The following LHX8 variants were observed in gnomAD, a reference collection of about 807,000 sequenced individuals.
The protein encoded by LHX8 is LIM homeobox 8.
Under a neutral mutation model 40.3 loss-of-function variants are expected in LHX8, and 12 were observed. That is an observed-to-expected ratio of 0.30 (90% confidence interval 0.19 to 0.48). LHX8 has a LOEUF of 0.48. Ranked by LOEUF, LHX8 falls within the 20% of genes least tolerant of loss-of-function variation. LHX8 has a pLI of 0.99. For synonymous variants in LHX8, 179 were observed against 162.0 expected, an observed-to-expected ratio of 1.10 and a Z score of -0.80; for missense variants, 344 against 433.7, an observed-to-expected ratio of 0.79 and a Z score of 1.84.
the LHX8 span, among the ~76,000 whole-genome samples, chr1:75,169,958 G>A: frequency 2.1e-4 from 32 of 152,312 alleles, no homozygotes; most frequent in Middle Eastern, 3.4e-3. Context: ...ACTGTTGGAT[G>A]AACACTCTAG....
At chr1:75,131,447 A>G (rs1647956878), upstream of LHX8, 1 of 153,500 alleles carries the variant, frequency 6.5e-6, no homozygotes, top group Non-Finnish European at 1.5e-5. Flanking sequence ...ACCTCTGTCA[A>G]TGCAGGCTTA....
At chr1:75,132,783 A>ACACACACACG (rs1557483585), upstream of LHX8, 1 of 152,396 alleles carries the variant, frequency 6.6e-6, no homozygotes, top group East Asian at 1.9e-4. Context: ...ACACACACAC[A>ACACACACACG]CACACTGTAA....
chr1:75,153,701 G>A (rs560718746), intron 7 of LHX8, among the ~76,000 whole-genome samples: 18 of 152,264 alleles, frequency 1.2e-4, no homozygotes, highest in African/African-American at 4.3e-4. Context: ...GAGCCACCAC[G>A]CCGGGTCTAG....
At chr1:75,129,919 C>G (rs1295845512), upstream of LHX8, 1 of 152,062 alleles carries the variant, frequency 6.6e-6, no homozygotes, top group Non-Finnish European at 1.5e-5. Context: ...CTCTCTCTCT[C>G]TGGCCACCTT....
intron 7 of LHX8, among the ~76,000 whole-genome samples, chr1:75,149,319 C>A (rs935213888): frequency 6.6e-6 from 1 of 152,068 alleles, no homozygotes; most frequent in African/African-American, 2.4e-5. Flanking sequence ...GTTGGAGAGG[C>A]CTGTGAATGC....
At chr1:75,179,511 T>G in the LHX8 span, among the ~76,000 whole-genome samples, 4,199 of 149,898 alleles carry the variant, frequency 0.028, 119 homozygotes, top group South Asian at 0.1. Flanking sequence ...TGTTTTTTTT[T>G]TTTTTTTTTT....
chr1:75,151,729 T>G (rs970929467), intron 7 of LHX8, among the ~76,000 whole-genome samples: 4 of 152,212 alleles, frequency 2.6e-5, no homozygotes, highest in Admixed American at 6.5e-5. Flanking sequence ...CTCTGTATAT[T>G]CATAACAATG....
the LHX8 span, among the ~76,000 whole-genome samples, chr1:75,179,001 C>G: frequency 1.3e-5 from 2 of 152,162 alleles, no homozygotes; most frequent in African/African-American, 4.8e-5. Context: ...GTTCCTTAAT[C>G]CTGAGTTCTA....
chr1:75,178,639 A>AT, the LHX8 span, among the ~76,000 whole-genome samples: 3 of 151,962 alleles, frequency 2.0e-5, no homozygotes, highest in Non-Finnish European at 4.4e-5. Context: ...GGATTCAGTG[A>AT]TTTTTTGAAG....
chr1:75,151,331 T>A (rs1648606087), intron 7 of LHX8, among the ~76,000 whole-genome samples: 2 of 152,334 alleles, frequency 1.3e-5, no homozygotes, highest in South Asian at 2.1e-4. Context: ...ATTATTGTGC[T>A]TATTTCAGAG....
chr1:75,150,538 G>A (rs1407973516), intron 7 of LHX8, among the ~76,000 whole-genome samples: 2 of 152,128 alleles, frequency 1.3e-5, no homozygotes, highest in Non-Finnish European at 2.9e-5. Flanking sequence ...ATTTAAATGG[G>A]ACGTAGTAAC....
At chr1:75,165,941 T>C (rs2100373301), downstream of LHX8, among the ~76,000 whole-genome samples, 1 of 152,332 alleles carries the variant, frequency 6.6e-6, no homozygotes, top group South Asian at 2.1e-4. Flanking sequence ...CCAAGGACAC[T>C]TAAGCCTCCC....
At chr1:75,176,756 G>A in the LHX8 span, among the ~76,000 whole-genome samples, 2 of 152,172 alleles carry the variant, frequency 1.3e-5, no homozygotes, top group Non-Finnish European at 2.9e-5. Flanking sequence ...CCATGCCTAT[G>A]TCCCGAATGG....
chr1:75,170,971 G>A, the LHX8 span, among the ~76,000 whole-genome samples: 4 of 152,114 alleles, frequency 2.6e-5, no homozygotes, highest in Admixed American at 2.0e-4. Flanking sequence ...TGATACAATT[G>A]AGGCTCAGCA....
rs757121845 is a variant in LHX8 at position 75,143,327 on chromosome 1, A to C, written c.569A>C (p.Glu190Ala). 7 of 1,608,636 alleles carry C rather than the reference A, an allele frequency of 4.4e-6. No homozygotes were observed. In the East Asian group the frequency reaches 1.6e-4, roughly 36 times the overall value. ...YDCMLDNLKREVENGNGISVE... is the reference protein window; with the variant it reads ...YDCMLDNLKRAVENGNGISVE... ...TGCATGCTGGATAATTTAAAAAGAG[A>C]AGTAGAAAATGGTAAATATGTACTT... Residue 190 changes from glutamate (E) to alanine (A), a missense_variant, in exon 5 of 9, where the codon GAA becomes GCA. Transcript: ENST00000356261.
chr1:75,144,397 A>G (rs564185649), intron 6 of LHX8, among the ~76,000 whole-genome samples: 10 of 152,290 alleles, frequency 6.6e-5, no homozygotes, highest in African/African-American at 2.2e-4. Context: ...AATGAACACA[A>G]TTGTACAGTT....
the LHX8 span, among the ~76,000 whole-genome samples, chr1:75,171,854 A>C: frequency 3.9e-5 from 6 of 152,202 alleles, no homozygotes; most frequent in South Asian, 1.2e-3. Flanking sequence ...GCAGAGGGAG[A>C]AGGAGCATGG....
chr1:75,137,198 C>T lies in LHX8; in HGVS notation c.174C>T (p.Cys58=), dbSNP rs1013751927. The T allele has an allele frequency of 6.3e-5, 102 of 1,613,486 alleles. No homozygotes were observed. Among genetic ancestry groups the T allele is most frequent in the Non-Finnish European group, 8.5e-5 (100 of 1,179,998 alleles). ...GGTCCATGGCCTCGGGCTCCGGCTG[C>T]CCTCCTGGCAAGTGTGTGTGCAACA... ...SPRSMASGSG[C]PPGKCVCNSC... Residue 58 remains cysteine (C), a synonymous_variant, in exon 3 of 9, where the codon TGC becomes TGT. Transcript: ENST00000356261.
the LHX8 span, among the ~76,000 whole-genome samples, chr1:75,189,226 C>T: frequency 2.6e-3 from 392 of 152,268 alleles, 16 homozygotes; most frequent in East Asian, 0.063. Context: ...AAGCAGGCTG[C>T]TTCTTTCTTG....
Sources: gnomAD v4.1 joint callset for allele counts (sites outside exome capture counted in the v4.1 genomes callset) on GRCh38, gnomAD v4.1.1 for gene constraint, MANE v1.5 for transcripts, NCBI Gene and HGNC (gene_info 2026-07-23, HGNC 2026-07-21) for gene names.